The following BICD1 variants were observed in gnomAD, a reference collection of about 807,000 sequenced individuals.
The protein encoded by BICD1 is protein bicaudal D homolog 1.
In BICD1, 35 loss-of-function variants were observed where a neutral mutation model predicts 92.5. The observed-to-expected ratio is 0.38, with a 90% CI of 0.29 to 0.50. BICD1 has a LOEUF of 0.50. Ranked by LOEUF, BICD1 falls within the 20% of genes least tolerant of loss-of-function variation. The pLI, the probability that BICD1 is intolerant of heterozygous loss-of-function variation, is 0.93. For synonymous variants in BICD1, 429 were observed against 465.1 expected (o/e 0.92, Z 1.00); for missense variants, 950 against 1,189.8 (o/e 0.80, Z 2.97).
At chr12:32,303,206 T>C (rs1422478073) in intron 3 of BICD1, among the ~76,000 whole-genome samples, 1 of 151,804 alleles carries the variant, frequency 6.6e-6, no homozygotes, top group African/African-American at 2.4e-5. Context: ...AGATTACAGG[T>C]GCTGAGATTA....
chr12:32,138,548 A>G (rs1352866386), intron 1 of BICD1, among the ~76,000 whole-genome samples: 1 of 152,184 alleles, frequency 6.6e-6, no homozygotes, highest in African/African-American at 2.4e-5. Flanking sequence ...GACTTTATAT[A>G]AACCATATTT....
intron 1 of BICD1, among the ~76,000 whole-genome samples, chr12:32,190,747 C>G (rs1379616375): frequency 6.6e-6 from 1 of 152,110 alleles, no homozygotes; most frequent in African/African-American, 2.4e-5. Flanking sequence ...ACCAAGTGGA[C>G]CTAACAGACA....
At chr12:32,146,674 G>T (rs1305961257) in intron 1 of BICD1, among the ~76,000 whole-genome samples, 1 of 152,234 alleles carries the variant, frequency 6.6e-6, no homozygotes, top group Non-Finnish European at 1.5e-5. Context: ...CAGAGGAAGG[G>T]CACGCAGTGA....
chr12:32,297,209 T>C (rs1947898937), intron 3 of BICD1, among the ~76,000 whole-genome samples: 1 of 151,990 alleles, frequency 6.6e-6, no homozygotes, highest in South Asian at 2.1e-4. Flanking sequence ...AGTTTTTTGG[T>C]TTTTTGGGGT....
At chr12:32,365,048 T>A (rs977961969) in intron 8 of BICD1, among the ~76,000 whole-genome samples, 9 of 152,018 alleles carry the variant, frequency 5.9e-5, no homozygotes, top group Non-Finnish European at 1.0e-4. Flanking sequence ...CCAGCCTGGT[T>A]AACACGGTGA....
rs765534131 is a variant in BICD1, at chr12:32,328,274, C to G, written c.1819C>G (p.Pro607Ala). ...CACAATCTCTCCTGTTATTACTGCC[C>G]CACCGTCATCTCCAGTATTGGATAC... ...TPTISPVITA[P>A]PSSPVLDTSD... is the part of the protein sequence containing the mutation. The change falls in exon 5 of 10, where the codon CCA becomes GCA. Residue 607 changes from proline to alanine, a missense_variant. Physicochemically the swap from Pro to Ala is conservative, Grantham distance 27 (BLOSUM62 -1). Coordinates refer to ENST00000652176, the MANE Select transcript of BICD1 (RefSeq NM_001714.4). The surrounding 1 kb of genome is among the most constrained non-coding windows in gnomAD (Gnocchi z 4.4). 2 of 1,614,158 alleles carry G rather than the reference C, an allele frequency of 1.2e-6. No individual in the cohort carries two copies. Among genetic ancestry groups the G allele is most frequent in the South Asian group, 2.2e-5 (2 of 91,076 alleles).
chr12:32,333,935 T>C (rs1449774495), intron 5 of BICD1, among the ~76,000 whole-genome samples: 1 of 152,250 alleles, frequency 6.6e-6, no homozygotes, highest in Admixed American at 6.5e-5. Context: ...GGACAAATTG[T>C]ATGCAAATTA....
At chr12:32,256,918 T>C (rs983090200) in intron 2 of BICD1, among the ~76,000 whole-genome samples, 1 of 152,172 alleles carries the variant, frequency 6.6e-6, no homozygotes, top group Non-Finnish European at 1.5e-5. Context: ...TTTTTAATGA[T>C]ATAAAATCTT....
chr12:32,156,997 G>A (rs1943458354), intron 1 of BICD1, among the ~76,000 whole-genome samples: 1 of 152,084 alleles, frequency 6.6e-6, no homozygotes, highest in African/African-American at 2.4e-5. Context: ...TACTAAATGA[G>A]TTAGTAAATA....
chr12:32,187,169 G>T (rs1424405298), intron 1 of BICD1, among the ~76,000 whole-genome samples: 1 of 152,126 alleles, frequency 6.6e-6, no homozygotes, highest in Non-Finnish European at 1.5e-5. Flanking sequence ...TTAACTCTTT[G>T]TTCCACGAAA....
chr12:32,144,134 A>G (rs576543447), intron 1 of BICD1, among the ~76,000 whole-genome samples: 1 of 152,332 alleles, frequency 6.6e-6, no homozygotes, highest in East Asian at 1.9e-4. Flanking sequence ...AATTGAATTT[A>G]TTAATTTTTC....
intron 8 of BICD1, chr12:32,353,846 C>A (rs2136309810): frequency 6.6e-6 from 1 of 152,316 alleles, no homozygotes; most frequent in East Asian, 1.9e-4. Context: ...CTTGAGTTAA[C>A]TCTGTGCCAG....
intron 2 of BICD1, chr12:32,227,594 A>G (rs1592513835): frequency 6.4e-6 from 1 of 155,670 alleles, no homozygotes. Flanking sequence ...AGTGGCAGGG[A>G]TTGCAGGCAT....
At chr12:32,153,276 A>G (rs558456284) in intron 1 of BICD1, among the ~76,000 whole-genome samples, 6 of 152,176 alleles carry the variant, frequency 3.9e-5, no homozygotes, top group Non-Finnish European at 5.9e-5. Flanking sequence ...ATAGAATTCC[A>G]TGGTGTTTAT....
chr12:32,216,844 G>C (rs373247763), intron 2 of BICD1, among the ~76,000 whole-genome samples: 1 of 152,194 alleles, frequency 6.6e-6, no homozygotes, highest in Admixed American at 6.5e-5. Context: ...GCTGACAGTG[G>C]TGTTGGCTCA....
At chr12:32,211,532 C>T (rs1945215075) in intron 1 of BICD1, among the ~76,000 whole-genome samples, 1 of 152,070 alleles carries the variant, frequency 6.6e-6, no homozygotes, top group Non-Finnish European at 1.5e-5. Flanking sequence ...TTCACTTGCT[C>T]TTAAGACTTT....
intron 2 of BICD1, among the ~76,000 whole-genome samples, chr12:32,250,890 G>A (rs887785772): frequency 2.8e-4 from 42 of 152,168 alleles, no homozygotes; most frequent in African/African-American, 9.9e-4. Context: ...GGCTAAGGTG[G>A]GAGGATTGCC....
chr12:32,334,211 C>T (rs184873105), intron 5 of BICD1, among the ~76,000 whole-genome samples: 2 of 152,204 alleles, frequency 1.3e-5, no homozygotes, highest in East Asian at 3.9e-4. Context: ...GTCCTAAAAT[C>T]GCATACTTTC....
chr12:32,234,603 A>T (rs149648604), intron 2 of BICD1, among the ~76,000 whole-genome samples: 7,276 of 150,468 alleles, frequency 0.048, 623 homozygotes, highest in African/African-American at 0.17. Flanking sequence ...TCTCAAAAAA[A>T]AAAAAAGAAA....
Sources: gnomAD v4.1 joint callset for allele counts (sites outside exome capture counted in the v4.1 genomes callset) on GRCh38, gnomAD v4.1.1 for gene constraint, Gnocchi (gnomAD v3.1) non-coding constraint, MANE v1.5 for transcripts, NCBI Gene and HGNC (gene_info 2026-07-23, HGNC 2026-07-21) for gene names.